RELN: variants seen among roughly 807,000 people sequenced by gnomAD.
RELN encodes the protein reelin.
A neutral mutation model predicts 427.6 loss-of-function variants in RELN; 108 were observed. That is an observed-to-expected ratio of 0.25 (90% CI 0.22 to 0.30). RELN has a LOEUF of 0.30. Ranked by LOEUF, RELN falls within the 10% of genes least tolerant of loss-of-function variation. The pLI is 1.00. For synonymous variants in RELN, 1,524 were observed against 1,513.4 expected, an observed-to-expected ratio of 1.01 and a Z score of -0.16; for missense variants, 3,715 against 4,302.8, an observed-to-expected ratio of 0.86 and a Z score of 3.82.
chr7:103,608,105 C>G (rs1831861271), intron 22 of RELN, among the ~76,000 whole-genome samples: 1 of 152,124 alleles, frequency 6.6e-6, no homozygotes, highest in African/African-American at 2.4e-5. Context: ...AACGGCAGAA[C>G]AAAGATTTGG....
chr7:103,810,835 T>C (rs1256405406), intron 3 of RELN, among the ~76,000 whole-genome samples: 2 of 152,216 alleles, frequency 1.3e-5, no homozygotes, highest in East Asian at 3.8e-4. Flanking sequence ...AATTACCATA[T>C]ATCTTGATTT....
intron 6 of RELN, among the ~76,000 whole-genome samples, chr7:103,734,268 G>A (rs1190274855): frequency 6.6e-6 from 1 of 152,154 alleles, no homozygotes; most frequent in Non-Finnish European, 1.5e-5. Flanking sequence ...ACAGACTTCT[G>A]TTGTTCAATT....
chr7:103,742,945 C>T (rs1352086830), intron 6 of RELN, among the ~76,000 whole-genome samples: 10 of 151,804 alleles, frequency 6.6e-5, no homozygotes, highest in Admixed American at 6.6e-4. Context: ...AGAGCAACTG[C>T]AAGACACATA....
intron 15 of RELN, among the ~76,000 whole-genome samples, chr7:103,650,785 C>T (rs922687151): frequency 1.3e-5 from 2 of 152,004 alleles, no homozygotes; most frequent in African/African-American, 4.8e-5. Context: ...ACTACCACAC[C>T]CAGCTAATTT....
intron 20 of RELN, among the ~76,000 whole-genome samples, chr7:103,629,159 G>C (rs1468163724): frequency 6.6e-6 from 1 of 152,150 alleles, no homozygotes; most frequent in Non-Finnish European, 1.5e-5. Context: ...ACTACACAAA[G>C]GTAGCTTTCT....
At chr7:103,912,083 T>G (rs189276658) in intron 2 of RELN, among the ~76,000 whole-genome samples, 2 of 152,220 alleles carry the variant, frequency 1.3e-5, no homozygotes, top group East Asian at 3.9e-4. Context: ...TAATCTCTAT[T>G]AAAAATATGA....
rs1035765929 is a variant in RELN, at chr7:103,569,432, A to C, written c.4589-2673T>G. On this transcript the variant is annotated intron_variant, in intron 31 of 64. Coordinates refer to ENST00000428762, the MANE Select transcript of RELN (RefSeq NM_005045.4). This position sits in a 1 kb window ranked among gnomAD's most constrained non-coding sequence, Gnocchi z 4.0. ...ATTCCTGACTCACAGAAACTGTAAG[A>C]TAACAAATATTTGATGTCTTAAGCT... 6.6e-6 allele frequency among the ~76,000 whole-genome samples: 1 copy of C among 152,228 alleles called. No individual in the cohort carries two copies. The highest frequency in any genetic ancestry group is 1.5e-5 in the Non-Finnish European group (1 of 68,034).
At chr7:103,816,565 AC>A (rs1224029383) in intron 3 of RELN, among the ~76,000 whole-genome samples, 2 of 151,532 alleles carry the variant, frequency 1.3e-5, no homozygotes, top group Non-Finnish European at 2.9e-5. Flanking sequence ...ACACACACAC[AC>A]AACTAAGGCC....
intron 1 of RELN, among the ~76,000 whole-genome samples, chr7:103,943,442 G>A (rs1796155878): frequency 6.6e-6 from 1 of 152,148 alleles, no homozygotes; most frequent in Non-Finnish European, 1.5e-5. Flanking sequence ...ACCTTCTTGA[G>A]GCTGCACTCA....
chr7:103,870,832 T>C (rs144207403), intron 2 of RELN, among the ~76,000 whole-genome samples: 75 of 152,198 alleles, frequency 4.9e-4, no homozygotes, highest in Non-Finnish European at 7.9e-4. Flanking sequence ...ATGAGCAATA[T>C]CCATCCACAA....
intron 39 of RELN, 43 bp downstream of exon 39, chr7:103,553,617 T>G (rs1479152897): frequency 6.2e-7 from 1 of 1,612,882 alleles, no homozygotes; most frequent in South Asian, 1.1e-5. Context: ...TCATCATGAT[T>G]TGTATACAGC....
chr7:103,987,466 C>T (rs190363798), intron 1 of RELN, among the ~76,000 whole-genome samples: 1 of 152,262 alleles, frequency 6.6e-6, no homozygotes, highest in African/African-American at 2.4e-5. Context: ...ATATCGAGAC[C>T]TTCCAAAGGA....
intron 28 of RELN, among the ~76,000 whole-genome samples, chr7:103,578,672 A>G (rs1364785867): frequency 6.6e-6 from 1 of 152,218 alleles, no homozygotes; most frequent in African/African-American, 2.4e-5. Context: ...GGTTTCTGGA[A>G]TAGGAGGAAG....
intron 6 of RELN, among the ~76,000 whole-genome samples, chr7:103,747,265 G>T (rs1790863137): frequency 7.1e-6 from 1 of 141,430 alleles, no homozygotes; most frequent in Non-Finnish European, 1.5e-5. Context: ...ACCTGTTGTG[G>T]GGTGCGGGGA....
Position 103,602,204 on chromosome 7 carries a change from C to T in RELN, c.3333+1100G>A, listed in dbSNP as rs114246324. On this transcript the variant is annotated intron_variant, in intron 24 of 64. Transcript: ENST00000428762. ...AATATTAACTCACTTAATCTACATA[C>T]TAACCCTCATGAGGTAGACATTCCA... Among the ~76,000 whole-genome samples the T allele has an allele frequency of 1.5e-3, 222 of 152,336 alleles. 1 individual carries two copies. The highest frequency in any genetic ancestry group is 5.1e-3 in the African/African-American group (210 of 41,574).
At chr7:103,712,767 C>A (rs1404701334) in intron 8 of RELN, among the ~76,000 whole-genome samples, 1 of 152,132 alleles carries the variant, frequency 6.6e-6, no homozygotes, top group African/African-American at 2.4e-5. Flanking sequence ...TATGAAATTA[C>A]AGATTAGGGA....
intron 6 of RELN, among the ~76,000 whole-genome samples, chr7:103,737,772 A>C (rs557711014): frequency 6.6e-6 from 1 of 152,284 alleles, no homozygotes; most frequent in South Asian, 2.1e-4. Context: ...CGGTCCTGTA[A>C]TATTGTCATT....
chr7:103,485,971 C>T (rs1419593871), intron 61 of RELN, among the ~76,000 whole-genome samples: 5 of 152,136 alleles, frequency 3.3e-5, no homozygotes, highest in Admixed American at 2.6e-4. Flanking sequence ...CACCACTCAG[C>T]CACTGTGGGT....
intron 1 of RELN, among the ~76,000 whole-genome samples, chr7:103,986,930 CTGTGTGTGTGTGTGTGTGTGTGTG>C (rs68023932): frequency 1.3e-5 from 2 of 148,958 alleles, no homozygotes; most frequent in South Asian, 2.1e-4. Flanking sequence ...CTAACAGAAG[CTGTGTGTGTGTGTGTGTGTGTGTG>C]TGTGTGTGTG....
Sources: gnomAD v4.1 joint callset for allele counts (sites outside exome capture counted in the v4.1 genomes callset) on GRCh38, gnomAD v4.1.1 for gene constraint, Gnocchi (gnomAD v3.1) non-coding constraint, MANE v1.5 for transcripts, NCBI Gene and HGNC (gene_info 2026-07-23, HGNC 2026-07-21) for gene names.